The following EPHA4 variants were observed in gnomAD, a reference collection of about 807,000 sequenced individuals.
The protein encoded by EPHA4 is EPH receptor A4.
In EPHA4, 19 loss-of-function variants were observed where a neutral mutation model predicts 108.3. That is an observed-to-expected ratio of 0.18 (90% confidence interval 0.12 to 0.26). The LOEUF (loss-of-function observed/expected upper bound fraction) is 0.26. Among genes scored for constraint, EPHA4 ranks in the 10% least tolerant of loss-of-function variants. The pLI is 1.00. For synonymous variants in EPHA4, 449 were observed against 455.5 expected (o/e 0.99, Z 0.18); for missense variants, 917 against 1,254.0 (o/e 0.73, Z 4.06).
chr2:221,436,981 G>A (rs865813206), intron 12 of EPHA4, 80 bp downstream of exon 12: 9 of 1,055,042 alleles, frequency 8.5e-6, no homozygotes, highest in East Asian at 7.1e-5. Context: ...GAATACCACC[G>A]AACACAACAA....
chr2:221,562,352 G>A (rs1221897531), intron 3 of EPHA4, among the ~76,000 whole-genome samples: 1 of 152,086 alleles, frequency 6.6e-6, no homozygotes, highest in Non-Finnish European at 1.5e-5. Flanking sequence ...TCAGACAAGT[G>A]TAAACTATGA....
At chr2:221,556,926 T>C (rs1432032962) in intron 3 of EPHA4, among the ~76,000 whole-genome samples, 1 of 152,212 alleles carries the variant, frequency 6.6e-6, no homozygotes, top group Non-Finnish European at 1.5e-5. Context: ...TTGGTACTAT[T>C]TGAGCTTTCA....
rs898791031 is a variant in EPHA4, at chr2:221,479,135, C to T, written c.1318+3217G>A. On this transcript the variant is annotated intron_variant, in intron 5 of 17. Transcript: ENST00000281821. The stretch of plus-strand genomic sequence containing the variant: ...CCCAGATACTCACATAATCTGGTCT[C>T]ATAAATGGGGAGAATGCCAAGCTGA... Among the ~76,000 whole-genome samples the T allele has an allele frequency of 2.0e-5, 3 of 152,196 alleles. No individual in the cohort carries two copies. In the East Asian group the frequency reaches 5.8e-4, roughly 29 times the overall value.
At chr2:221,467,541 T>C (rs1486998348) in intron 5 of EPHA4, among the ~76,000 whole-genome samples, 1 of 152,236 alleles carries the variant, frequency 6.6e-6, no homozygotes, top group Non-Finnish European at 1.5e-5. Context: ...CAGCAATCCT[T>C]ACTCTTTGTA....
chr2:221,482,614 C>T lies in EPHA4; in HGVS notation c.1056G>A (p.Gln352=), dbSNP rs748185678. 7 of 1,613,768 alleles carry T rather than the reference C, an allele frequency of 4.3e-6. No homozygotes were observed. The highest frequency in any genetic ancestry group is 5.9e-6 in the Non-Finnish European group (7 of 1,179,824). Reference sequence around the variant, plus strand: ...AAATGTCCTGGCGGCCACCTGTATTCTGAGGGCTACTCCATTCCAAGTTCA... The same window carrying T: ...AAATGTCCTGGCGGCCACCTGTATTTTGAGGGCTACTCCATTCCAAGTTCA... ...TSVNLEWSSP[Q]NTGGRQDISY... is the part of the protein sequence containing the mutation. The change falls in exon 5 of 18, where the codon CAG becomes CAA. Residue 352 remains glutamine (Q), a synonymous_variant. Transcript: ENST00000281821.
chr2:221,496,603 ATACT>A (rs909414286), intron 4 of EPHA4, among the ~76,000 whole-genome samples: 1 of 152,202 alleles, frequency 6.6e-6, no homozygotes, highest in Non-Finnish European at 1.5e-5. Flanking sequence ...GTTTAAAAAA[ATACT>A]TACAAGTTTA....
At chr2:221,476,168 G>A (rs1015662719) in intron 5 of EPHA4, among the ~76,000 whole-genome samples, 3 of 152,134 alleles carry the variant, frequency 2.0e-5, no homozygotes, top group South Asian at 2.1e-4. Context: ...TGCATGAACC[G>A]AGATCACATC....
At position 221,572,168 on chromosome 2, in the gene EPHA4, G is replaced by C; in HGVS notation, c.81C>G (p.Pro27=). 1 of 1,613,778 alleles carries C rather than the reference G, an allele frequency of 6.2e-7. No homozygotes were observed. Among genetic ancestry groups the C allele is most frequent in the East Asian group, 2.2e-5 (1 of 44,856 alleles). Residue 27 remains proline (P), a synonymous_variant, in exon 1 of 18, where the codon CCC becomes CCG. Coordinates refer to ENST00000281821, the MANE Select transcript of EPHA4 (RefSeq NM_004438.5). Reference sequence around the variant, plus strand: ...CCGTCCCGCTCTTACCTTCATTCGCGGGGTATACCCTGGAACCTGTGACAG... The same window carrying C: ...CCGTCCCGCTCTTACCTTCATTCGCCGGGTATACCCTGGAACCTGTGACAG... ...CDAVTGSRVY[P]ANEVTLLDSR...
intron 2 of EPHA4, among the ~76,000 whole-genome samples, chr2:221,566,854 G>GAGAAGAAGAAGA (rs769632541): frequency 7.5e-5 from 4 of 53,264 alleles, no homozygotes; most frequent in Non-Finnish European, 1.4e-4. Context: ...GAAGGAGAAG[G>GAGAAGAAGAAGA]AGAAGAAGAA....
rs1249848189 is a variant in EPHA4, at chr2:221,419,096, A to G, written c.*2276T>C. 6.6e-6 allele frequency: 1 copy of G among 152,594 alleles called. No homozygotes were observed. 9.5% of individuals were successfully genotyped at this position (152,594 alleles called of 1,614,324 possible). A position where few individuals can be genotyped will look rare whatever the true frequency, so the allele number is the denominator to read the frequency against. On this transcript the variant is annotated 3_prime_UTR_variant, in exon 18 of 18. Transcript: ENST00000281821. Reference sequence around the variant, plus strand: ...TGATTTGATGTTATAGCTTATATAAATGGCCACGGTTTCTGCAACCACAGC... The same window carrying G: ...TGATTTGATGTTATAGCTTATATAAGTGGCCACGGTTTCTGCAACCACAGC...
chr2:221,429,139 A>ATGCC (rs1689998062), intron 15 of EPHA4, among the ~76,000 whole-genome samples: 1 of 152,164 alleles, frequency 6.6e-6, no homozygotes, highest in African/African-American at 2.4e-5. Context: ...CTGGTCTATT[A>ATGCC]TGCCTGTATT....
chr2:221,573,331 G>A (rs1198297122), upstream of EPHA4: 5 of 152,238 alleles, frequency 3.3e-5, no homozygotes, highest in Non-Finnish European at 5.9e-5. The surrounding 1 kb of genome is among the most constrained non-coding windows in gnomAD (Gnocchi z 4.5). Context: ...GCGAGCAGGA[G>A]GACCCGCAGA....
intron 4 of EPHA4, among the ~76,000 whole-genome samples, chr2:221,489,447 C>T (rs1353991085): frequency 6.6e-6 from 1 of 152,156 alleles, no homozygotes; most frequent in African/African-American, 2.4e-5. Flanking sequence ...GCACATGCAA[C>T]TCAAAATACC....
In EPHA4 at chr2:221,570,809, T is replaced by TGGAC. The variant is rs374741538; in HGVS notation, c.91+1345_91+1348dup. 1.9e-3 allele frequency among the ~76,000 whole-genome samples: 295 copies of TGGAC among 151,786 alleles called. 1 individual carries two copies. The highest frequency in any genetic ancestry group is 5.8e-3 in the South Asian group (28 of 4,806). On this transcript the variant is annotated intron_variant, in intron 1 of 17. Transcript: ENST00000281821. The stretch of plus-strand genomic sequence containing the variant: ...ATGGGTGGATGGATGGAGGGATGGA[T>TGGAC]GGACGGACGGACGGACAGATATATG...
intron 3 of EPHA4, among the ~76,000 whole-genome samples, chr2:221,540,279 C>T (rs1402083261): frequency 1.3e-5 from 2 of 152,186 alleles, no homozygotes; most frequent in African/African-American, 4.8e-5. Context: ...CCAGTTGCTG[C>T]TGTTGTGGTT....
At chr2:221,435,162 T>C (rs6436265) in intron 13 of EPHA4, among the ~76,000 whole-genome samples, 107,569 of 152,000 alleles carry the variant, frequency 0.71, 39,088 homozygotes, top group East Asian at 0.96. Flanking sequence ...CAATAAATTG[T>C]ACTGGAAATT....
At chr2:221,476,700 C>T (rs1691660858) in intron 5 of EPHA4, among the ~76,000 whole-genome samples, 1 of 152,116 alleles carries the variant, frequency 6.6e-6, no homozygotes, top group Non-Finnish European at 1.5e-5. Context: ...TGAAGCTTTC[C>T]TCTTACTATC....
intron 14 of EPHA4, among the ~76,000 whole-genome samples, chr2:221,433,724 C>T (rs1015087762): frequency 1.3e-5 from 2 of 152,182 alleles, no homozygotes; most frequent in African/African-American, 2.4e-5. Context: ...CTAATTACAA[C>T]GATGCCAGCT....
chr2:221,568,777 A>G lies in EPHA4; in HGVS notation c.100T>C (p.Leu34=), dbSNP rs764749845. The change falls in exon 2 of 18, where the codon TTG becomes CTG. Residue 34 remains leucine, a synonymous_variant. Coordinates refer to ENST00000281821, the MANE Select transcript of EPHA4 (RefSeq NM_004438.5). The stretch of plus-strand genomic sequence containing the variant: ...TCTCCCTGAACAGATCTGGAATCCA[A>G]TAAGGTAACTGCAAAAAACAAAAGA... ...RVYPANEVTL[L]DSRSVQGELG... 82 of 1,613,146 alleles carry G rather than the reference A, an allele frequency of 5.1e-5. 1 individual carries two copies. Among genetic ancestry groups the G allele is most frequent in the Admixed American group, 2.8e-4 (17 of 59,870 alleles).
Sources: allele counts gnomAD v4.1 joint callset (sites outside exome capture counted in the v4.1 genomes callset), GRCh38; gene constraint gnomAD v4.1.1; non-coding constraint Gnocchi (gnomAD v3.1); transcripts MANE v1.5; gene names NCBI Gene and HGNC (gene_info 2026-07-23, HGNC 2026-07-21).